ABCF1: variants seen among roughly 807,000 people sequenced by gnomAD.
ABCF1 encodes ATP-binding cassette sub-family F member 1.
ABCF1 carries 73 observed loss-of-function variants against 126.3 expected under a neutral mutation model. The ratio of observed to expected loss-of-function variants is 0.58; its 90% CI spans 0.48 to 0.70. The LOEUF (loss-of-function observed/expected upper bound fraction) is 0.70, where lower values mean the gene tolerates loss of function less well. Among genes scored for constraint, ABCF1 ranks in the 30% least tolerant of loss-of-function variants. The probability of loss-of-function intolerance (pLI) is 0.00; values close to 1 mark genes in which losing one functional copy is unlikely to be tolerated. For synonymous variants in ABCF1, 345 were observed against 396.4 expected (o/e 0.87, Z 1.54); for missense variants, 786 against 1,057.5 (o/e 0.74, Z 3.56).
intron 8 of ABCF1, among the ~76,000 whole-genome samples, chr6:30,581,237 G>C (rs558675802): frequency 3.9e-5 from 6 of 152,166 alleles, no homozygotes; most frequent in African/African-American, 7.2e-5. Flanking sequence ...TTCACTGGCT[G>C]TGTGACCTTG....
At chr6:30,585,471 C>T in intron 15 of ABCF1, 87 bp from the exon 16 acceptor site, 4 of 1,594,204 alleles carry the variant, frequency 2.5e-6, no homozygotes, top group South Asian at 1.1e-5. Context: ...CCCCCTTTCC[C>T]TCCCAGCCCC....
At chr6:30,578,258 ACC>A (rs1801615887) in intron 4 of ABCF1, 56 bp downstream of exon 4, 1 of 1,613,462 alleles carries the variant, frequency 6.2e-7, no homozygotes, top group Admixed American at 1.7e-5. Flanking sequence ...GGAGAGTGAT[ACC>A]TCATACCCTG....
intron 6 of ABCF1, among the ~76,000 whole-genome samples, chr6:30,578,973 C>T (rs1189544285): frequency 6.6e-6 from 1 of 151,742 alleles, no homozygotes; most frequent in African/African-American, 2.4e-5. Flanking sequence ...GCACTCCAGC[C>T]TGGGCAACAG....
At chr6:30,578,226 G>A (rs1457182661) in intron 4 of ABCF1, 24 bp downstream of exon 4, 14 of 1,613,566 alleles carry the variant, frequency 8.7e-6, no homozygotes, top group Non-Finnish European at 1.1e-5. Flanking sequence ...GGGGGAATGG[G>A]TACCTGGAAT....
chr6:30,581,774 G>A (rs1801828325), intron 8 of ABCF1, among the ~76,000 whole-genome samples: 1 of 152,084 alleles, frequency 6.6e-6, no homozygotes, highest in African/African-American at 2.4e-5. Flanking sequence ...TGAAACTCTT[G>A]AAATCCATTT....
rs1802124109 is a variant in ABCF1 at position 30,586,238 on chromosome 6, G to A, written c.1818G>A (p.Lys606=). ...QEAPELLKRP[K]EYTVRFTFPD... is the part of the protein sequence containing the mutation. ...CCCCTGAGCTCCTGAAGCGCCCTAA[G>A]GAGTACACTGTGCGCTTCACTTTTC... The change falls in exon 18 of 25, where the codon AAG becomes AAA. Residue 606 remains lysine, a synonymous_variant. Coordinates refer to ENST00000326195, the MANE Select transcript of ABCF1 (RefSeq NM_001025091.2). The surrounding 1 kb of genome is among the most constrained non-coding windows in gnomAD (Gnocchi z 4.9). The A allele has an allele frequency of 1.2e-6, 2 of 1,613,814 alleles. No individual in the cohort carries two copies. Among genetic ancestry groups the A allele is most frequent in the African/African-American group, 2.7e-5 (2 of 74,890 alleles).
At chr6:30,578,012 T>A (rs1369987923) in intron 3 of ABCF1, 64 bp from the exon 4 acceptor site, 1 of 1,613,610 alleles carries the variant, frequency 6.2e-7, no homozygotes, top group African/African-American at 1.3e-5. Flanking sequence ...GGGAACCCTC[T>A]GTGAGGCAGA....
rs1561786982 is a variant in ABCF1, at chr6:30,578,336, CT to C, written c.344-11del. 1.9e-6 allele frequency: 3 copies of C among 1,614,010 alleles called. No individual in the cohort carries two copies. The highest frequency in any genetic ancestry group is 1.7e-5 in the Admixed American group (1 of 59,988). On this transcript the variant is annotated splice_polypyrimidine_tract_variant and intron_variant, in intron 4 of 24. Coordinates refer to ENST00000326195, the MANE Select transcript of ABCF1 (RefSeq NM_001025091.2). The stretch of plus-strand genomic sequence containing the variant: ...TTCTTTCCTATCTCATGTTCTCCCC[CT>C]GTCATTTCAGTACCCGCCCCAAAAC...
At chr6:30,577,794 C>T (rs768981882) in intron 2 of ABCF1, 24 bp from the exon 3 acceptor site, 1 of 1,610,730 alleles carries the variant, frequency 6.2e-7, no homozygotes, top group East Asian at 2.2e-5. Flanking sequence ...AACATGTTTA[C>T]CTGTAGCTTA....
chr6:30,585,242 C>A lies in ABCF1; in HGVS notation c.1392-18C>A. ...ATCTTTCTCTCCCTGACCCTGCCCTCTGCTACCCACCCTCTAGGGCACTGT... is the reference window on the plus strand; with the variant it reads ...ATCTTTCTCTCCCTGACCCTGCCCTATGCTACCCACCCTCTAGGGCACTGT... On this transcript the variant is annotated intron_variant, in intron 14 of 24. Transcript: ENST00000326195. 1.2e-6 allele frequency: 2 copies of A among 1,610,184 alleles called. No homozygotes were observed. The highest frequency in any genetic ancestry group is 1.7e-6 in the Non-Finnish European group (2 of 1,177,136).
intron 1 of ABCF1, among the ~76,000 whole-genome samples, chr6:30,576,558 G>A (rs779821939): frequency 2.0e-5 from 3 of 151,782 alleles, no homozygotes; most frequent in Non-Finnish European, 2.9e-5. Flanking sequence ...CAAAGTGCCG[G>A]GATTACAGGC....
Position 30,584,027 on chromosome 6 carries a change from C to T in ABCF1, c.1102+137C>T, listed in dbSNP as rs1801972383. ...GAGACTGGAGACCGGGAAAGGGATG[C>T]TAAGGAAAGGAGGGGAGGGTCAATG... On this transcript the variant is annotated intron_variant, in intron 12 of 24. Transcript: ENST00000326195. This position sits in a 1 kb window ranked among gnomAD's most constrained non-coding sequence, Gnocchi z 4.6. 7.2e-7 allele frequency: 1 copy of T among 1,387,080 alleles called. No individual in the cohort carries two copies. The highest frequency in any genetic ancestry group is 2.1e-5 in the Admixed American group (1 of 47,294). The allele number at this position is 1,387,080 out of a possible 1,614,324, so 85.9% of individuals were successfully genotyped here.
intron 1 of ABCF1, among the ~76,000 whole-genome samples, chr6:30,572,090 G>A (rs1801280978): frequency 6.6e-6 from 1 of 152,188 alleles, no homozygotes; most frequent in African/African-American, 2.4e-5. Flanking sequence ...TTAAAAAGCA[G>A]CGAAAGTTTG....
Position 30,580,410 on chromosome 6 carries a change from A to G in ABCF1, c.569A>G (p.Gln190Arg). The G allele has an allele frequency of 6.5e-7, 1 of 1,535,976 alleles. No individual in the cohort carries two copies. Among genetic ancestry groups the G allele is most frequent in the South Asian group, 1.3e-5 (1 of 77,644 alleles). Residue 190 changes from glutamine to arginine, a missense_variant, in exon 8 of 25, where the codon CAA becomes CGA. Physicochemically the swap from Gln to Arg is conservative, Grantham distance 43. Around this residue, in one of 4 missense-constraint regions of ABCF1, gnomAD observed 322 missense variants for 322.9 expected, o/e 1.00. Transcript: ENST00000326195. ...GACCTGTCTTTTCCCTATTAGCCTC[A>G]AAATAAATTCGCTGCTCTGGACAAT... is the stretch of plus-strand genomic sequence containing the variant. Reference protein sequence around the residue: ...EEKSKGKAKPQNKFAALDNEE... With the variant: ...EEKSKGKAKPRNKFAALDNEE...
rs1040433624 is a variant in ABCF1, at chr6:30,582,622, C to T, written c.792+115C>T. 29 of 1,055,876 alleles carry T rather than the reference C, an allele frequency of 2.7e-5. 1 individual carries two copies. Among genetic ancestry groups the T allele is most frequent in the Non-Finnish European group, 3.9e-5 (28 of 710,246 alleles). The allele number at this position is 1,055,876 out of a possible 1,614,324, so 65.4% of individuals were successfully genotyped here. A position where few individuals can be genotyped will look rare whatever the true frequency, so the allele number is the denominator to read the frequency against. On this transcript the variant is annotated intron_variant, in intron 9 of 24. Transcript: ENST00000326195. ...TGGGGGCTACTCCAAGTAAAACAAT[C>T]GGAGTAAGAAAATAATTGTGTTCTG...
rs779648161 is a variant in ABCF1, at chr6:30,578,187, G to A, written c.328G>A (p.Asp110Asn). The change falls in exon 4 of 25, where the codon GAT (aspartate) becomes AAT (asparagine). Residue 110 changes from aspartate (D) to asparagine (N), a missense_variant. Physicochemically the swap from Asp to Asn is conservative, Grantham distance 23. Around this residue, in one of 4 missense-constraint regions of ABCF1, gnomAD observed 322 missense variants for 322.9 expected, o/e 1.00. Coordinates refer to ENST00000326195, the MANE Select transcript of ABCF1 (RefSeq NM_001025091.2). The stretch of plus-strand genomic sequence containing the variant: ...TAAGAAGCTCTCAGTGCCAACCAGT[G>A]ATGAGGAGGATGAAGGTAAATGACC... Reference protein sequence around the residue: ...RLKKLSVPTSDEEDEVPAPKP... With the variant: ...RLKKLSVPTSNEEDEVPAPKP... The A allele has an allele frequency of 6.2e-7, 1 of 1,613,940 alleles. No homozygotes were observed. The highest frequency in any genetic ancestry group is 1.1e-5 in the South Asian group (1 of 91,076).
rs1561797335 is a variant in ABCF1, at chr6:30,585,585, G to T, written c.1503G>T (p.Leu501Phe). The change falls in exon 16 of 25, where the codon TTG (leucine) becomes TTT (phenylalanine). Residue 501 changes from leucine (L) to phenylalanine (F), a missense_variant. Transcript: ENST00000326195. Reference protein sequence around the residue: ...NNYLQGWRKTLLIVSHDQGFL... With the variant: ...NNYLQGWRKTFLIVSHDQGFL... ...ACCTCCAGGGCTGGCGGAAGACCTT[G>T]CTGATCGTCTCCCATGACCAGGGCT... 3.1e-6 allele frequency: 5 copies of T among 1,612,852 alleles called. No homozygotes were observed. Among genetic ancestry groups the T allele is most frequent in the Non-Finnish European group, 4.2e-6 (5 of 1,180,024 alleles).
At chr6:30,589,560 G>C in intron 20 of ABCF1, 128 bp from the exon 21 acceptor site, 1 of 1,064,846 alleles carries the variant, frequency 9.4e-7, no homozygotes, top group African/African-American at 1.6e-5. Flanking sequence ...CCGAGATCGC[G>C]CCACTGCACT....
Position 30,590,334 on chromosome 6 carries a change from A to C in ABCF1, c.2327A>C (p.Glu776Ala). The C allele has an allele frequency of 6.2e-7, 1 of 1,612,016 alleles. No homozygotes were observed. The highest frequency in any genetic ancestry group is 8.5e-7 in the Non-Finnish European group (1 of 1,179,380). Residue 776 changes from glutamate to alanine, a missense_variant, in exon 24 of 25, where the codon GAG becomes GCG. This residue lies in a region of ABCF1 where 288 missense variants were observed against 423.5 expected (regional missense o/e 0.68). Coordinates refer to ENST00000326195, the MANE Select transcript of ABCF1 (RefSeq NM_001025091.2). Reference sequence around the variant, plus strand: ...GAGCCAACCAATAACCTGGACATAGAGTCTATTGATGCTCTAGGGGAGGCC... The same window carrying C: ...GAGCCAACCAATAACCTGGACATAGCGTCTATTGATGCTCTAGGGGAGGCC... ...LDEPTNNLDI[E>A]SIDALGEAIN...
Sources: gnomAD v4.1 joint callset for allele counts (sites outside exome capture counted in the v4.1 genomes callset) on GRCh38, gnomAD v4.1.1 for gene constraint, gnomAD v4.1.1 regional missense constraint, Gnocchi (gnomAD v3.1) non-coding constraint, MANE v1.5 for transcripts, NCBI Gene and HGNC (gene_info 2026-07-23, HGNC 2026-07-21) for gene names.